Variants in KPNA7 observed in about 807,000 individuals in gnomAD.
KPNA7 encodes karyopherin subunit alpha 7.
A neutral mutation model predicts 53.7 loss-of-function variants in KPNA7; 54 were observed. That is an observed-to-expected ratio of 1.01 (90% confidence interval 0.81 to 1.26). The LOEUF is 1.26. KPNA7 is among the 50% of genes most tolerant of loss of function. KPNA7 has a pLI of 0.00. For missense variants in KPNA7, 640 were observed against 644.5 expected (o/e 0.99, Z 0.07); for synonymous variants, 276 against 259.3 (o/e 1.06, Z -0.62).
At chr7:99,187,790 CT>C (rs763348086) in intron 7 of KPNA7, among the ~76,000 whole-genome samples, 66 of 4,550 alleles carry the variant, frequency 0.015, 2 homozygotes, top group African/African-American at 0.031. Context: ...CGTGCCCGGC[CT>C]TTTTTTTTAA....
chr7:99,171,001 G>T (rs185897913), downstream of KPNA7, among the ~76,000 whole-genome samples: 124 of 152,228 alleles, frequency 8.1e-4, no homozygotes, highest in Non-Finnish European at 1.4e-3. Context: ...TCCCACTGAG[G>T]TCAGGAGTTC....
chr7:99,203,190 C>T lies in KPNA7; in HGVS notation c.117G>A (p.Lys39=). The stretch of plus-strand genomic sequence containing the variant: ...TTCTCTTTAAGGTCTGTTCATCTTT[C>T]TTGGCCTTTCGGAGCTCCAGACTGA... ...MAVSLELRKA[K]KDEQTLKRRN... Residue 39 remains lysine (K), a synonymous_variant, in exon 3 of 11, where the codon AAG becomes AAA. Transcript: ENST00000327442. 1.9e-6 allele frequency: 3 copies of T among 1,551,692 alleles called. No individual in the cohort carries two copies. Among genetic ancestry groups the T allele is most frequent in the Non-Finnish European group, 1.7e-6 (2 of 1,146,942 alleles).
At chr7:99,216,174 C>T (rs1368426061) in intron 1 of KPNA7, among the ~76,000 whole-genome samples, 2 of 151,940 alleles carry the variant, frequency 1.3e-5, no homozygotes, top group East Asian at 3.9e-4. Flanking sequence ...GCTACAGGCA[C>T]ACACCACCAC....
At chr7:99,167,376 G>A in the KPNA7 span, among the ~76,000 whole-genome samples, 14 of 152,248 alleles carry the variant, frequency 9.2e-5, no homozygotes, top group Admixed American at 1.3e-4. Context: ...GCTGAGCTCC[G>A]CCTCCTGTCA....
intron 8 of KPNA7, among the ~76,000 whole-genome samples, 153 bp downstream of exon 8, chr7:99,184,772 CCCTT>C (rs1789488842): frequency 1.3e-5 from 2 of 152,076 alleles, no homozygotes; most frequent in African/African-American, 4.8e-5. Flanking sequence ...ATGGAACGCC[CCCTT>C]CCTTTTTTTC....
At chr7:99,218,298 AT>A (rs902529184) in intron 1 of KPNA7, among the ~76,000 whole-genome samples, 22 of 151,300 alleles carry the variant, frequency 1.5e-4, no homozygotes, top group Non-Finnish European at 2.7e-4. Context: ...ATTTTTTCAA[AT>A]TTTTTTTTCT....
At chr7:99,207,698 G>A (rs1724405454) in intron 1 of KPNA7, among the ~76,000 whole-genome samples, 1 of 123,638 alleles carries the variant, frequency 8.1e-6, no homozygotes, top group Non-Finnish European at 1.6e-5. Context: ...TGCAGTGGGG[G>A]GATATCAGTT....
intron 9 of KPNA7, among the ~76,000 whole-genome samples, chr7:99,179,481 A>G (rs1383728191): frequency 6.6e-6 from 1 of 152,080 alleles, no homozygotes; most frequent in Non-Finnish European, 1.5e-5. Context: ...ACCTGAGCCT[A>G]GGAAGTTGAG....
chr7:99,176,549 C>T (rs955773294), intron 10 of KPNA7, among the ~76,000 whole-genome samples: 1 of 151,880 alleles, frequency 6.6e-6, no homozygotes, highest in Non-Finnish European at 1.5e-5. Context: ...GGAATTACCA[C>T]GTAATCTAGC....
downstream of KPNA7, among the ~76,000 whole-genome samples, chr7:99,169,767 G>T (rs543889254): frequency 8.9e-5 from 13 of 145,356 alleles, no homozygotes; most frequent in Non-Finnish European, 1.4e-4. Flanking sequence ...TGGGCCAGGC[G>T]CAGTGGCTCA....
chr7:99,214,980 A>G (rs927475076), intron 1 of KPNA7, among the ~76,000 whole-genome samples: 2 of 152,094 alleles, frequency 1.3e-5, no homozygotes, highest in African/African-American at 4.8e-5. Flanking sequence ...AGTTTGGTAC[A>G]AGGGGCTGCA....
chr7:99,188,820 G>A (rs1160376765), intron 6 of KPNA7, among the ~76,000 whole-genome samples: 1 of 152,044 alleles, frequency 6.6e-6, no homozygotes, highest in African/African-American at 2.4e-5. Context: ...TGGGATTACA[G>A]GTGCCCGCCA....
intron 6 of KPNA7, among the ~76,000 whole-genome samples, chr7:99,189,543 C>T (rs1257321960): frequency 6.6e-6 from 1 of 152,166 alleles, no homozygotes; most frequent in East Asian, 1.9e-4. Context: ...CAGCCATCAT[C>T]ACACTTCTGT....
intron 3 of KPNA7, among the ~76,000 whole-genome samples, chr7:99,198,507 G>A (rs769784676): frequency 9.3e-5 from 14 of 150,356 alleles, no homozygotes; most frequent in East Asian, 2.0e-4. Context: ...ATAGTACCCC[G>A]TATTAATAAA....
chr7:99,185,179 A>G lies in KPNA7; in HGVS notation c.901-17T>C. ...AGAAGGAGTCTGGAAGAGCAAGGCT[A>G]GAAGTCTAAGTATTTCAAGTCTATC... On this transcript the variant is annotated splice_polypyrimidine_tract_variant and intron_variant, in intron 7 of 10. Transcript: ENST00000327442. 6.6e-7 allele frequency: 1 copy of G among 1,515,454 alleles called. No individual in the cohort carries two copies. Among genetic ancestry groups the G allele is most frequent in the South Asian group, 1.2e-5 (1 of 83,348 alleles). The allele number at this position is 1,515,454 out of a possible 1,614,324, so 93.9% of individuals were successfully genotyped here.
downstream of KPNA7, among the ~76,000 whole-genome samples, chr7:99,170,021 G>T (rs941425540): frequency 6.6e-6 from 1 of 152,130 alleles, no homozygotes; most frequent in African/African-American, 2.4e-5. Flanking sequence ...CAGCCTGGGT[G>T]ACAGAACAAG....
intron 9 of KPNA7, among the ~76,000 whole-genome samples, chr7:99,178,340 A>T (rs537347449): frequency 1.5e-4 from 23 of 152,244 alleles, no homozygotes; most frequent in African/African-American, 4.8e-4. Flanking sequence ...AGGCTGAGGC[A>T]GGCAGATCAC....
the KPNA7 span, among the ~76,000 whole-genome samples, chr7:99,147,456 G>A: frequency 3.9e-5 from 6 of 152,182 alleles, no homozygotes; most frequent in Non-Finnish European, 5.9e-5. Context: ...TGTACTTATG[G>A]AGCTGCTTGT....
the KPNA7 span, among the ~76,000 whole-genome samples, chr7:99,150,036 T>C: frequency 1.4e-4 from 22 of 152,174 alleles, no homozygotes. Flanking sequence ...TGACTTCATA[T>C]GATCCACCTG....
Sources: allele counts gnomAD v4.1 joint callset (sites outside exome capture counted in the v4.1 genomes callset), GRCh38; gene constraint gnomAD v4.1.1; transcripts MANE v1.5; gene names NCBI Gene and HGNC (gene_info 2026-07-23, HGNC 2026-07-21).